THSD4: variants seen among roughly 807,000 people sequenced by gnomAD.
THSD4 encodes the protein thrombospondin type 1 domain containing 4, also known as thrombospondin type-1 domain-containing protein 4.
THSD4 carries 69 observed loss-of-function variants against 119.0 expected under a neutral mutation model. That is an observed-to-expected ratio of 0.58 (90% CI 0.48 to 0.71). The LOEUF (loss-of-function observed/expected upper bound fraction) is 0.71, where lower values mean the gene tolerates loss of function less well. Among genes scored for constraint, THSD4 ranks in the 30% least tolerant of loss-of-function variants. THSD4 has a pLI of 0.00. For missense variants in THSD4, 1,393 were observed against 1,391.1 expected (o/e 1.00, Z -0.02); for synonymous variants, 524 against 540.4 (o/e 0.97, Z 0.42).
At chr15:71,199,893 ATGTGTGTGTGGTGCATGTGTGG>A (rs2043783125) in intron 3 of THSD4, among the ~76,000 whole-genome samples, 1 of 29,734 alleles carries the variant, frequency 3.4e-5, no homozygotes, top group Non-Finnish European at 1.2e-4. Flanking sequence ...CATGTGTGGT[ATGTGTGTGTGGTGCATGTGTGG>A]GGTGTGTGTG....
chr15:71,392,518 T>C (rs931971272), intron 6 of THSD4, among the ~76,000 whole-genome samples: 3 of 152,228 alleles, frequency 2.0e-5, no homozygotes, highest in African/African-American at 7.2e-5. Flanking sequence ...TCTCTTTTAC[T>C]TGTATGCCTT....
At chr15:71,162,955 A>G (rs2043260576) in intron 3 of THSD4, among the ~76,000 whole-genome samples, 1 of 151,894 alleles carries the variant, frequency 6.6e-6, no homozygotes, top group African/African-American at 2.4e-5. Context: ...CATTAAATTC[A>G]TTAGCTCTAA....
chr15:71,532,283 A>AGTGTGTGT lies in THSD4; in HGVS notation c.1152+120502_1152+120509dup, dbSNP rs1210856261. On this transcript the variant is annotated intron_variant, in intron 7 of 17. Coordinates refer to ENST00000261862, the MANE Select transcript of THSD4 (RefSeq NM_024817.3). ...AAGGGTGAGAGAGAGAGAGAGAGAG[A>AGTGTGTGT]GTGTGTGTGTGTGTGTGTGTGTGTG... 1.3e-3 allele frequency among the ~76,000 whole-genome samples: 131 copies of AGTGTGTGT among 101,622 alleles called. 2 individuals carry two copies. Among genetic ancestry groups the AGTGTGTGT allele is most frequent in the South Asian group, 4.5e-3 (11 of 2,462 alleles). 66.7% of individuals were successfully genotyped at this position (101,622 alleles called of 152,430 possible).
At chr15:71,235,792 T>C (rs1321349311) in intron 4 of THSD4, among the ~76,000 whole-genome samples, 1 of 152,126 alleles carries the variant, frequency 6.6e-6, no homozygotes, top group Non-Finnish European at 1.5e-5. Flanking sequence ...GGTTTTGCCA[T>C]GTTGGCCAGG....
intron 7 of THSD4, among the ~76,000 whole-genome samples, chr15:71,428,834 A>G (rs542937810): frequency 2.0e-5 from 3 of 152,170 alleles, no homozygotes; most frequent in Admixed American, 2.0e-4. Context: ...CTACAAGCCA[A>G]TTCATATTAT....
intron 7 of THSD4, among the ~76,000 whole-genome samples, chr15:71,646,502 T>A (rs1300872180): frequency 6.6e-6 from 1 of 152,228 alleles, no homozygotes; most frequent in Non-Finnish European, 1.5e-5. Flanking sequence ...TCAGCTACTG[T>A]TTAAGCTGGG....
At chr15:71,604,838 A>C (rs558088207) in intron 7 of THSD4, among the ~76,000 whole-genome samples, 53 of 152,054 alleles carry the variant, frequency 3.5e-4, no homozygotes, top group African/African-American at 1.3e-3. Flanking sequence ...CAAAAAAAAA[A>C]CCTGTCAACA....
chr15:71,512,239 T>C (rs1427465782), intron 7 of THSD4, among the ~76,000 whole-genome samples: 1 of 152,208 alleles, frequency 6.6e-6, no homozygotes, highest in East Asian at 1.9e-4. Context: ...AATGCAAATC[T>C]GTGAAATACG....
intron 7 of THSD4, among the ~76,000 whole-genome samples, chr15:71,429,505 G>C (rs2046915352): frequency 6.6e-6 from 1 of 152,184 alleles, no homozygotes; most frequent in Non-Finnish European, 1.5e-5. Flanking sequence ...AAAACTAAGG[G>C]AAGGGGCAGA....
At chr15:71,667,209 A>G (rs1191767217) in intron 8 of THSD4, among the ~76,000 whole-genome samples, 1 of 152,190 alleles carries the variant, frequency 6.6e-6, no homozygotes, top group Non-Finnish European at 1.5e-5. Flanking sequence ...ATTGTAAGCT[A>G]TGAATTCTCC....
chr15:71,567,596 A>ACCCCC lies in THSD4; in HGVS notation c.1153-92931_1153-92927dup, dbSNP rs149069118. Among the ~76,000 whole-genome samples the ACCCCC allele has an allele frequency of 3.6e-4, 48 of 132,092 alleles. 1 individual carries two copies. The highest frequency in any genetic ancestry group is 7.3e-4 in the African/African-American group (28 of 38,296). The allele number at this position is 132,092 out of a possible 152,430, so 86.7% of individuals were successfully genotyped here. A position where few individuals can be genotyped will look rare whatever the true frequency, so the allele number is the denominator to read the frequency against. ...CTTGCTCCTGGACAAGAACAAAGAC[A>ACCCCC]CCCCCCCACACACACACACACACAC... On this transcript the variant is annotated intron_variant, in intron 7 of 17. Coordinates refer to ENST00000261862, the MANE Select transcript of THSD4 (RefSeq NM_024817.3).
At chr15:71,119,836 A>G (rs2040394393) in intron 1 of THSD4, among the ~76,000 whole-genome samples, 1 of 152,180 alleles carries the variant, frequency 6.6e-6, no homozygotes, top group Non-Finnish European at 1.5e-5. Context: ...GATCTCTTTC[A>G]TTCAACTGGC....
intron 8 of THSD4, among the ~76,000 whole-genome samples, chr15:71,723,367 A>G (rs917966540): frequency 6.6e-6 from 1 of 152,200 alleles, no homozygotes; most frequent in African/African-American, 2.4e-5. Flanking sequence ...GGATGATCCC[A>G]TTGTGGCTTT....
intron 6 of THSD4, among the ~76,000 whole-genome samples, chr15:71,399,746 T>C (rs182839120): frequency 2.5e-4 from 38 of 152,264 alleles, no homozygotes; most frequent in African/African-American, 9.1e-4. Flanking sequence ...ATGAACCTTC[T>C]TGGGCTCCAT....
At chr15:71,401,645 CT>C (rs969112634) in intron 6 of THSD4, among the ~76,000 whole-genome samples, 47 of 152,284 alleles carry the variant, frequency 3.1e-4, no homozygotes, top group Middle Eastern at 3.4e-3. Flanking sequence ...CGCTTTTACA[CT>C]GTTGGTGGGA....
At chr15:71,510,789 T>G (rs1486523914) in intron 7 of THSD4, among the ~76,000 whole-genome samples, 3 of 152,222 alleles carry the variant, frequency 2.0e-5, no homozygotes, top group Non-Finnish European at 2.9e-5. Flanking sequence ...TTTGGCATTG[T>G]GAAGGATAAT....
At chr15:71,437,796 C>T (rs556446489) in intron 7 of THSD4, among the ~76,000 whole-genome samples, 11 of 152,254 alleles carry the variant, frequency 7.2e-5, no homozygotes, top group Non-Finnish European at 1.2e-4. Context: ...AATTGCCCTC[C>T]GAAGTGGTTG....
intron 6 of THSD4, among the ~76,000 whole-genome samples, chr15:71,396,352 G>T (rs955259818): frequency 5.9e-5 from 9 of 152,126 alleles, no homozygotes; most frequent in African/African-American, 1.7e-4. Flanking sequence ...TACTGAGATG[G>T]TAATAGCAGG....
chr15:71,210,515 G>A (rs189038858), intron 3 of THSD4, among the ~76,000 whole-genome samples: 1 of 152,220 alleles, frequency 6.6e-6, no homozygotes, highest in African/African-American at 2.4e-5. Context: ...TATTTTTCTT[G>A]CTGCTTTGTT....
Sources: gnomAD v4.1 joint callset for allele counts (sites outside exome capture counted in the v4.1 genomes callset) on GRCh38, gnomAD v4.1.1 for gene constraint, MANE v1.5 for transcripts, NCBI Gene and HGNC (gene_info 2026-07-23, HGNC 2026-07-21) for gene names.